The following CTNNA3 variants were observed in gnomAD, a reference collection of about 807,000 sequenced individuals.
The protein encoded by CTNNA3 is catenin alpha 3.
Under a neutral mutation model 95.7 loss-of-function variants are expected in CTNNA3, and 76 were observed. The ratio of observed to expected loss-of-function variants is 0.79; its 90% CI spans 0.66 to 0.96. The LOEUF (loss-of-function observed/expected upper bound fraction) is 0.96, where lower values mean the gene tolerates loss of function less well. CTNNA3 is among the 40% of genes least tolerant of loss of function. The pLI is 0.00. For synonymous variants in CTNNA3, 431 were observed against 374.4 expected, an observed-to-expected ratio of 1.15 and a Z score of -1.74; for missense variants, 1,191 against 1,089.8, an observed-to-expected ratio of 1.09 and a Z score of -1.31.
intron 12 of CTNNA3, among the ~76,000 whole-genome samples, chr10:66,363,831 C>G (rs1490648662): frequency 6.6e-6 from 1 of 152,062 alleles, no homozygotes; most frequent in Non-Finnish European, 1.5e-5. Flanking sequence ...ATAATAACAA[C>G]AATAATGTTA....
intron 9 of CTNNA3, among the ~76,000 whole-genome samples, chr10:66,737,757 T>A: frequency 6.6e-6 from 1 of 152,080 alleles, no homozygotes; most frequent in Non-Finnish European, 1.5e-5. Context: ...ACTGCCTGGT[T>A]CAAGTGATTC....
chr10:66,608,113 A>C (rs1460538954), intron 10 of CTNNA3, among the ~76,000 whole-genome samples: 1 of 152,164 alleles, frequency 6.6e-6, no homozygotes, highest in Admixed American at 6.6e-5. Context: ...AGGATACAAA[A>C]TTAATGTACA....
At chr10:67,726,190 A>G (rs1169502705) in intron 1 of CTNNA3, among the ~76,000 whole-genome samples, 1 of 95,944 alleles carries the variant, frequency 1.0e-5, no homozygotes, top group Non-Finnish European at 1.8e-5. Flanking sequence ...TATTATTATA[A>G]TATATAATAT....
chr10:65,932,806 TTCA>T (rs1290901017), intron 17 of CTNNA3, among the ~76,000 whole-genome samples: 1 of 152,150 alleles, frequency 6.6e-6, no homozygotes, highest in African/African-American at 2.4e-5. Flanking sequence ...TTAAAAATCC[TTCA>T]TCATTGAACT....
At chr10:67,240,481 G>A (rs192643108) in intron 5 of CTNNA3, among the ~76,000 whole-genome samples, 67 of 152,170 alleles carry the variant, frequency 4.4e-4, no homozygotes, top group African/African-American at 1.5e-3. Flanking sequence ...AAAGTTTTGA[G>A]AAGAAAAATT....
chr10:67,037,990 G>GA (rs1310966997), intron 7 of CTNNA3, among the ~76,000 whole-genome samples: 1 of 151,928 alleles, frequency 6.6e-6, no homozygotes, highest in Admixed American at 6.6e-5. Context: ...TGAATAAACA[G>GA]AAAAAAATTC....
At chr10:66,884,473 AC>A (rs1844966369) in intron 7 of CTNNA3, among the ~76,000 whole-genome samples, 1 of 152,086 alleles carries the variant, frequency 6.6e-6, no homozygotes. Flanking sequence ...AGGATATTTC[AC>A]AAACCCCATG....
At chr10:67,726,614 A>ATG (rs1564841342) in intron 1 of CTNNA3, among the ~76,000 whole-genome samples, 91 of 83,430 alleles carry the variant, frequency 1.1e-3, no homozygotes, top group African/African-American at 4.2e-3. Flanking sequence ...ATTATATAAT[A>ATG]TATAATATAT....
At chr10:66,696,967 T>C (rs1007440044) in intron 9 of CTNNA3, among the ~76,000 whole-genome samples, 3 of 151,936 alleles carry the variant, frequency 2.0e-5, no homozygotes, top group African/African-American at 7.2e-5. Context: ...ATGTTCTCTA[T>C]GGGCCAGATT....
chr10:66,707,942 T>C (rs1384588403), intron 9 of CTNNA3, among the ~76,000 whole-genome samples: 11 of 152,150 alleles, frequency 7.2e-5, no homozygotes, highest in African/African-American at 2.4e-4. Context: ...AGTGTTCTGG[T>C]GCATTCAGTC....
At chr10:66,136,725 T>C (rs2083375767) in intron 13 of CTNNA3, among the ~76,000 whole-genome samples, 1 of 75,518 alleles carries the variant, frequency 1.3e-5, no homozygotes, top group Admixed American at 1.5e-4. Flanking sequence ...CATTGTGTTG[T>C]ATTATCTCCA....
At chr10:67,093,619 G>A (rs1291657877) in intron 7 of CTNNA3, among the ~76,000 whole-genome samples, 1 of 151,610 alleles carries the variant, frequency 6.6e-6, no homozygotes, top group Middle Eastern at 3.4e-3. Context: ...ACTACCCAGC[G>A]ACCAGTCATT....
chr10:66,800,065 G>C (rs10762106), intron 7 of CTNNA3, among the ~76,000 whole-genome samples: 129,078 of 151,214 alleles, frequency 0.85, 55,637 homozygotes, highest in East Asian at 1. Flanking sequence ...AAATACTAAA[G>C]AAAGGTCTTT....
chr10:66,198,804 A>T (rs1279950153), intron 13 of CTNNA3, among the ~76,000 whole-genome samples: 1 of 152,230 alleles, frequency 6.6e-6, no homozygotes, highest in African/African-American at 2.4e-5. Flanking sequence ...CAAAAGTCCT[A>T]TGAGCGAACA....
intron 6 of CTNNA3, among the ~76,000 whole-genome samples, chr10:67,190,058 G>C (rs538957734): frequency 2.0e-4 from 30 of 152,094 alleles, no homozygotes; most frequent in African/African-American, 7.0e-4. Flanking sequence ...TTTCTTTTTG[G>C]TTGTAGCCTA....
At chr10:67,413,152 T>A (rs1157685022) in intron 5 of CTNNA3, among the ~76,000 whole-genome samples, 1 of 152,068 alleles carries the variant, frequency 6.6e-6, no homozygotes, top group Non-Finnish European at 1.5e-5. Flanking sequence ...TGCGGTAAGA[T>A]CTACCATGCA....
Position 65,918,690 on chromosome 10 carries a change from C to A in CTNNA3, c.*1640G>T, listed in dbSNP as rs552166383. ...CCTTCACCTCCTAGGAAGTTTTACACTGAGCTCAGGCAATCCAGCTACTTG... is the reference window on the plus strand; with the variant it reads ...CCTTCACCTCCTAGGAAGTTTTACAATGAGCTCAGGCAATCCAGCTACTTG... On this transcript the variant is annotated 3_prime_UTR_variant, in exon 18 of 18. Coordinates refer to ENST00000433211, the MANE Select transcript of CTNNA3 (RefSeq NM_013266.4). 1 of 152,136 alleles carries A rather than the reference C, an allele frequency of 6.6e-6. No individual in the cohort carries two copies. Among genetic ancestry groups the A allele is most frequent in the Non-Finnish European group, 1.5e-5 (1 of 68,022 alleles). 9.4% of individuals were successfully genotyped at this position (152,136 alleles called of 1,614,324 possible). A position where few individuals can be genotyped will look rare whatever the true frequency, so the allele number is the denominator to read the frequency against.
chr10:67,155,808 T>A (rs1251498869), intron 7 of CTNNA3, among the ~76,000 whole-genome samples: 1 of 152,186 alleles, frequency 6.6e-6, no homozygotes, highest in East Asian at 1.9e-4. Context: ...GGTCATTTGT[T>A]ACTGCGTTCA....
chr10:65,949,502 C>T (rs1172550513), intron 17 of CTNNA3, among the ~76,000 whole-genome samples: 2 of 152,172 alleles, frequency 1.3e-5, no homozygotes, highest in African/African-American at 4.8e-5. Flanking sequence ...TGAGTAGGTA[C>T]CCACAAAGAG....
Sources: gnomAD v4.1 joint callset for allele counts (sites outside exome capture counted in the v4.1 genomes callset) on GRCh38, gnomAD v4.1.1 for gene constraint, MANE v1.5 for transcripts, NCBI Gene and HGNC (gene_info 2026-07-23, HGNC 2026-07-21) for gene names.